The following ETV6 variants were observed in gnomAD, a reference collection of about 807,000 sequenced individuals.
ETV6 encodes ETS variant transcription factor 6.
ETV6 carries 16 observed loss-of-function variants against 51.1 expected under a neutral mutation model. The observed-to-expected ratio is 0.31, with a 90% CI of 0.21 to 0.48. ETV6 has a LOEUF of 0.48. Among genes scored for constraint, ETV6 ranks in the 20% least tolerant of loss-of-function variants. The pLI is 0.99. For synonymous variants in ETV6, 240 were observed against 224.1 expected, an observed-to-expected ratio of 1.07 and a Z score of -0.64; for missense variants, 458 against 594.8, an observed-to-expected ratio of 0.77 and a Z score of 2.39.
At chr12:11,837,827 T>TA (rs1402307868) in intron 2 of ETV6, among the ~76,000 whole-genome samples, 1 of 152,214 alleles carries the variant, frequency 6.6e-6, no homozygotes, top group East Asian at 1.9e-4. Flanking sequence ...CAGCAGTTCT[T>TA]AAATTTGGTC....
At chr12:11,765,674 C>T (rs1490469798) in intron 2 of ETV6, among the ~76,000 whole-genome samples, 1 of 152,040 alleles carries the variant, frequency 6.6e-6, no homozygotes, top group Non-Finnish European at 1.5e-5. Flanking sequence ...ATATCTCCCC[C>T]TTCCTTGTTT....
intron 1 of ETV6, among the ~76,000 whole-genome samples, chr12:11,681,206 C>T (rs1349412853): frequency 1.3e-5 from 2 of 152,196 alleles, no homozygotes; most frequent in Non-Finnish European, 2.9e-5. Flanking sequence ...GGAACAGTAG[C>T]AAATCCATTG....
At chr12:11,789,919 G>C (rs1401228076) in intron 2 of ETV6, among the ~76,000 whole-genome samples, 1 of 152,116 alleles carries the variant, frequency 6.6e-6, no homozygotes, top group Non-Finnish European at 1.5e-5. Context: ...TGCTAATCCT[G>C]ATGCTCTTTC....
chr12:11,874,571 T>TAC (rs201808154), intron 5 of ETV6, among the ~76,000 whole-genome samples: 2,104 of 3,382 alleles, frequency 0.62, 927 homozygotes, highest in Admixed American at 0.63. Flanking sequence ...TGTGCGTGTG[T>TAC]ACACATATAT....
rs74060875 is a variant in ETV6 at position 11,835,120 on chromosome 12, A to C, written c.164-4020A>C. Among the ~76,000 whole-genome samples, 1,264 of 152,370 alleles carry C rather than the reference A, an allele frequency of 8.3e-3. 20 individuals carry two copies. The highest frequency in any genetic ancestry group is 0.029 in the African/African-American group (1,212 of 41,586). On this transcript the variant is annotated intron_variant, in intron 2 of 7. Transcript: ENST00000396373. ...GTAAGTTTAAGGGCCTGGGTGTGTC[A>C]CTGAAGGATATGACACAATATACTG...
intron 2 of ETV6, among the ~76,000 whole-genome samples, chr12:11,791,755 G>A (rs1945597429): frequency 1.1e-5 from 1 of 90,556 alleles, no homozygotes; most frequent in Non-Finnish European, 2.6e-5. Context: ...AGTGTTCATT[G>A]ATATTGTTAT....
chr12:11,759,803 T>C (rs1945058416), intron 2 of ETV6, among the ~76,000 whole-genome samples: 1 of 152,238 alleles, frequency 6.6e-6, no homozygotes, highest in Non-Finnish European at 1.5e-5. Flanking sequence ...CTAAGTTACT[T>C]CTCACCTCCT....
At chr12:11,776,694 G>A (rs1156598617) in intron 2 of ETV6, among the ~76,000 whole-genome samples, 6 of 152,054 alleles carry the variant, frequency 3.9e-5, no homozygotes, top group African/African-American at 9.7e-5. Context: ...ACCAGCAGCC[G>A]CAGAACAAAA....
chr12:11,656,113 C>T (rs764544644), intron 1 of ETV6, among the ~76,000 whole-genome samples: 6 of 152,124 alleles, frequency 3.9e-5, no homozygotes, highest in African/African-American at 7.2e-5. Context: ...CATGCTGGTC[C>T]TTGTGCTGTT....
chr12:11,712,961 C>T (rs1290826346), intron 1 of ETV6, among the ~76,000 whole-genome samples: 1 of 152,208 alleles, frequency 6.6e-6, no homozygotes, highest in Non-Finnish European at 1.5e-5. Flanking sequence ...CTTTCCTTCT[C>T]TCTCCTCACT....
intron 1 of ETV6, among the ~76,000 whole-genome samples, chr12:11,674,661 G>GTT (rs1864382287): frequency 7.4e-6 from 1 of 134,612 alleles, no homozygotes; most frequent in Non-Finnish European, 1.6e-5. Context: ...GTGTGTGTGT[G>GTT]TTTGGTGTTT....
intron 1 of ETV6, among the ~76,000 whole-genome samples, chr12:11,690,670 C>T (rs1429891901): frequency 6.6e-6 from 1 of 152,020 alleles, no homozygotes; most frequent in Non-Finnish European, 1.5e-5. Flanking sequence ...AGGCAGACCA[C>T]TTGAGGTGCA....
intron 2 of ETV6, among the ~76,000 whole-genome samples, chr12:11,771,731 A>G (rs1176485910): frequency 1.3e-5 from 2 of 152,212 alleles, no homozygotes; most frequent in African/African-American, 2.4e-5. Flanking sequence ...ACCATGTCCT[A>G]TTTAACCACT....
At position 11,796,744 on chromosome 12, in the gene ETV6, T is replaced by C. The variant is rs1036983358; in HGVS notation, c.164-42396T>C. 6.0e-5 allele frequency among the ~76,000 whole-genome samples: 9 copies of C among 149,628 alleles called. 1 individual carries two copies. The highest frequency in any genetic ancestry group is 2.0e-4 in the East Asian group (1 of 5,100). ...TTTCTTTTAAGACATTGAATAGCAC[T>C]AAGGGATAATTTCTTCCTTTTCTTT... is the stretch of plus-strand genomic sequence containing the variant. On this transcript the variant is annotated intron_variant, in intron 2 of 7. Transcript: ENST00000396373.
intron 1 of ETV6, among the ~76,000 whole-genome samples, chr12:11,749,830 G>A (rs924734058): frequency 6.6e-6 from 1 of 152,208 alleles, no homozygotes; most frequent in Non-Finnish European, 1.5e-5. Context: ...TACCTTAGGT[G>A]TGCCATGGCT....
intron 2 of ETV6, among the ~76,000 whole-genome samples, chr12:11,768,787 C>G (rs2136348902): frequency 6.6e-6 from 1 of 152,258 alleles, no homozygotes; most frequent in Non-Finnish European, 1.5e-5. Flanking sequence ...GGCCTGGAAC[C>G]CCACTGGCCA....
chr12:11,803,982 T>C (rs1305132247), intron 2 of ETV6, among the ~76,000 whole-genome samples: 2 of 152,216 alleles, frequency 1.3e-5, no homozygotes, highest in Non-Finnish European at 2.9e-5. Flanking sequence ...TTTGGTATTC[T>C]AAATATCATT....
intron 2 of ETV6, among the ~76,000 whole-genome samples, chr12:11,788,709 CT>C (rs369658436): frequency 8.4e-4 from 125 of 148,222 alleles, no homozygotes; most frequent in African/African-American, 2.6e-3. Flanking sequence ...TTAACTGATT[CT>C]TTTGTCATTC....
At chr12:11,753,965 C>T (rs3782133) in intron 2 of ETV6, among the ~76,000 whole-genome samples, 2,069 of 152,258 alleles carry the variant, frequency 0.014, 51 homozygotes, top group East Asian at 0.096. Flanking sequence ...TGTAAAGGTG[C>T]CAGGGTCATG....
Sources: gnomAD v4.1 joint callset for allele counts (sites outside exome capture counted in the v4.1 genomes callset) on GRCh38, gnomAD v4.1.1 for gene constraint, MANE v1.5 for transcripts, NCBI Gene and HGNC (gene_info 2026-07-23, HGNC 2026-07-21) for gene names.